Variants in SIRT2 observed in about 807,000 individuals in gnomAD.
The protein encoded by SIRT2 is NAD-dependent protein deacetylase sirtuin-2.
A neutral mutation model predicts 57.4 loss-of-function variants in SIRT2; 40 were observed. That is an observed-to-expected ratio of 0.70 (90% CI 0.54 to 0.91). The LOEUF (loss-of-function observed/expected upper bound fraction) is 0.91, where lower values mean the gene tolerates loss of function less well. Ranked by LOEUF, SIRT2 falls within the 40% of genes least tolerant of loss-of-function variation. The pLI is 0.00. For missense variants in SIRT2, 439 were observed against 510.4 expected, an observed-to-expected ratio of 0.86 and a Z score of 1.35; for synonymous variants, 161 against 195.7, an observed-to-expected ratio of 0.82 and a Z score of 1.48.
rs1184695675 is a variant in SIRT2, at chr19:38,889,944, A to C, written c.286T>G (p.Phe96Val). The part of the protein sequence containing the change: ...GISTSAGIPD[F>V]RSPSTGLYDN... ...TAGAGGCCGGTGGATGGAGAGCGAA[A>C]GTCGGGGATGCCTGCGGCTAGGAAA... Residue 96 changes from phenylalanine to valine, a missense_variant, in exon 6 of 16, where the codon TTT becomes GTT. Coordinates refer to ENST00000249396, the MANE Select transcript of SIRT2 (RefSeq NM_012237.4). The C allele has an allele frequency of 6.2e-7, 1 of 1,614,168 alleles. No homozygotes were observed. The highest frequency in any genetic ancestry group is 8.5e-7 in the Non-Finnish European group (1 of 1,180,022).
chr19:38,883,813 G>C (rs1428087200), intron 8 of SIRT2, 57 bp from the exon 9 acceptor site: 2 of 1,596,014 alleles, frequency 1.3e-6, no homozygotes, highest in African/African-American at 1.3e-5. Context: ...TTGTAGGCCA[G>C]AAGGCACAGT....
chr19:38,879,614 C>T lies in SIRT2; in HGVS notation c.947+18G>A, dbSNP rs1392587491. ...CCCTGTCCCTTCCAGGCTGCCCCAACCCCCGGCGGGGCCTCACCTGTAGGC... is the reference window on the plus strand; with the variant it reads ...CCCTGTCCCTTCCAGGCTGCCCCAATCCCCGGCGGGGCCTCACCTGTAGGC... On this transcript the variant is annotated intron_variant, in intron 14 of 15. Coordinates refer to ENST00000249396, the MANE Select transcript of SIRT2 (RefSeq NM_012237.4). 1.3e-6 allele frequency: 2 copies of T among 1,563,030 alleles called. No individual in the cohort carries two copies. Among genetic ancestry groups the T allele is most frequent in the South Asian group, 1.2e-5 (1 of 85,008 alleles).
chr19:38,889,584 A>G (rs1973456591), intron 7 of SIRT2, 105 bp downstream of exon 7: 2 of 1,310,290 alleles, frequency 1.5e-6, no homozygotes, highest in African/African-American at 2.9e-5. Flanking sequence ...GCACCCATGT[A>G]CTTAATGGCT....
intron 5 of SIRT2, 36 bp downstream of exon 5, chr19:38,890,067 C>T (rs369519515): frequency 1.9e-5 from 31 of 1,613,322 alleles, no homozygotes; most frequent in Non-Finnish European, 2.5e-5. Flanking sequence ...CTCCCCAGTT[C>T]CTGGGGGTAG....
intron 5 of SIRT2, 67 bp from the exon 6 acceptor site, chr19:38,890,028 T>C (rs1456696791): frequency 6.8e-6 from 11 of 1,606,056 alleles, no homozygotes; most frequent in African/African-American, 1.3e-5. Flanking sequence ...AGGGCTCAGA[T>C]AGGGCTCCTC....
At chr19:38,898,507 G>T in intron 1 of SIRT2, 82 bp from the exon 2 acceptor site, 2 of 649,510 alleles carry the variant, frequency 3.1e-6, no homozygotes, top group Non-Finnish European at 2.5e-6. Flanking sequence ...CAGTGAGGGG[G>T]CAAGAACACC....
intron 4 of SIRT2, 126 bp from the exon 5 acceptor site, chr19:38,890,270 G>T: frequency 1.1e-6 from 1 of 869,672 alleles, no homozygotes; most frequent in Non-Finnish European, 1.9e-6. Context: ...TCAGATGCAT[G>T]ACGGGCCTTC....
chr19:38,879,709 G>A lies in SIRT2; in HGVS notation c.877-7C>T, dbSNP rs1390275294. 7 of 1,560,730 alleles carry A rather than the reference G, an allele frequency of 4.5e-6. No individual in the cohort carries two copies. The South Asian group carries it at 5.9e-5, about 13-fold the overall frequency. Reference sequence around the variant, plus strand: ...TCCCCAGGAAAGGGTCCGACTGTCAGGGAGGGGGTGGGTCAGGGGCAGGAG... The same window carrying A: ...TCCCCAGGAAAGGGTCCGACTGTCAAGGAGGGGGTGGGTCAGGGGCAGGAG... On this transcript the variant is annotated splice_region_variant and splice_polypyrimidine_tract_variant and intron_variant, in intron 13 of 15. Coordinates refer to ENST00000249396, the MANE Select transcript of SIRT2 (RefSeq NM_012237.4).
In SIRT2 at chr19:38,883,705, C is replaced by G. The variant is rs201307475; in HGVS notation, c.553G>C (p.Glu185Gln). ...GATGTGTAGAAGGTGCCGTGCGCCT[C>G]CACCAAGTCCTCCTGTTCCAGCCCG... is the stretch of plus-strand genomic sequence containing the variant. ...IAGLEQEDLV[E>Q]AHGTFYTSHC... Residue 185 changes from glutamate (E) to glutamine (Q), a missense_variant, in exon 9 of 16, where the codon GAG (glutamate) becomes CAG (glutamine). Coordinates refer to ENST00000249396, the MANE Select transcript of SIRT2 (RefSeq NM_012237.4). The G allele has an allele frequency of 1.1e-5, 17 of 1,613,942 alleles. No homozygotes were observed. Among genetic ancestry groups the G allele is most frequent in the Non-Finnish European group, 1.4e-5 (17 of 1,179,974 alleles).
At chr19:38,889,295 C>A in intron 7 of SIRT2, 140 bp from the exon 8 acceptor site, 1 of 758,874 alleles carries the variant, frequency 1.3e-6, no homozygotes. Flanking sequence ...GGAGAGACCA[C>A]TGCTATCCCC....
intron 5 of SIRT2, 33 bp downstream of exon 5, chr19:38,890,070 G>C: frequency 6.2e-7 from 1 of 1,613,898 alleles, no homozygotes; most frequent in South Asian, 1.1e-5. Context: ...CCCAGTTCCT[G>C]GGGGTAGCTG....
intron 2 of SIRT2, among the ~76,000 whole-genome samples, chr19:38,896,341 AG>A (rs1973715107): frequency 6.6e-6 from 1 of 152,172 alleles, no homozygotes; most frequent in African/African-American, 2.4e-5. Flanking sequence ...CAACATCTTG[AG>A]TTTTCGGCAG....
intron 8 of SIRT2, 146 bp from the exon 9 acceptor site, chr19:38,883,902 TTTA>T: frequency 1.3e-6 from 1 of 795,084 alleles, no homozygotes; most frequent in South Asian, 1.7e-5. Context: ...AGTGGCAGGG[TTTA>T]TCTGAAGACT....
At chr19:38,883,326 T>G (rs1229894154) in intron 9 of SIRT2, among the ~76,000 whole-genome samples, 2 of 151,640 alleles carry the variant, frequency 1.3e-5, no homozygotes, top group Non-Finnish European at 2.9e-5. Context: ...TGACCTCAGG[T>G]GATCTGCCCG....
At chr19:38,885,595 T>TA (rs1229010614) in intron 8 of SIRT2, among the ~76,000 whole-genome samples, 2 of 149,090 alleles carry the variant, frequency 1.3e-5, no homozygotes, top group Non-Finnish European at 3.0e-5. Flanking sequence ...CGTGGCTATT[T>TA]TTTTTTTTTT....
In SIRT2 at chr19:38,880,514, G is replaced by A; in HGVS notation, c.876+171C>T. ...GGAATTCTATCACTTGCTCAAAAGG[G>A]CAGTGAATGTCCCAGAGGCCTGGAA... On this transcript the variant is annotated intron_variant, in intron 13 of 15. Coordinates refer to ENST00000249396, the MANE Select transcript of SIRT2 (RefSeq NM_012237.4). The surrounding 1 kb of genome is among the most constrained non-coding windows in gnomAD (Gnocchi z 4.1). 1 of 569,320 alleles carries A rather than the reference G, an allele frequency of 1.8e-6. No homozygotes were observed. The highest frequency in any genetic ancestry group is 3.1e-6 in the Non-Finnish European group (1 of 320,798). The allele number at this position is 569,320 out of a possible 1,614,324, so 35.3% of individuals were successfully genotyped here. A position where few individuals can be genotyped will look rare whatever the true frequency, so the allele number is the denominator to read the frequency against.
intron 10 of SIRT2, 73 bp downstream of exon 10, chr19:38,881,359 T>C: frequency 7.0e-7 from 1 of 1,425,658 alleles, no homozygotes. Context: ...GGTGTGGCCT[T>C]TGGGAGGGGG....
chr19:38,893,501 G>C lies in SIRT2; in HGVS notation c.139C>G (p.Gln47Glu). ...DMDFLRNLFS[Q>E]TLSLGSQKER... The stretch of plus-strand genomic sequence containing the variant: ...TTCTGGCTGCCCAGGCTGAGCGTCT[G>C]GGAGAATAAGTTCCGCAGGAAGTCC... Residue 47 changes from glutamine to glutamate, a missense_variant, in exon 4 of 16, where the codon CAG (glutamine) becomes GAG (glutamate). Transcript: ENST00000249396. 1 of 1,613,520 alleles carries C rather than the reference G, an allele frequency of 6.2e-7. No individual in the cohort carries two copies. Among genetic ancestry groups the C allele is most frequent in the Non-Finnish European group, 8.5e-7 (1 of 1,179,640 alleles).
At position 38,893,530 on chromosome 19, in the gene SIRT2, G is replaced by A; in HGVS notation, c.113-3C>T. On this transcript the variant is annotated splice_region_variant and splice_polypyrimidine_tract_variant and intron_variant, in intron 3 of 15. Coordinates refer to ENST00000249396, the MANE Select transcript of SIRT2 (RefSeq NM_012237.4). ...GAATAAGTTCCGCAGGAAGTCCACT[G>A]ACCGGAAAGAAGAGAGACAGCGGCA... 6.2e-7 allele frequency: 1 copy of A among 1,600,650 alleles called. No homozygotes were observed. The highest frequency in any genetic ancestry group is 8.6e-7 in the Non-Finnish European group (1 of 1,168,332).
Sources: allele counts gnomAD v4.1 joint callset (sites outside exome capture counted in the v4.1 genomes callset), GRCh38; gene constraint gnomAD v4.1.1; non-coding constraint Gnocchi (gnomAD v3.1); transcripts MANE v1.5; gene names NCBI Gene and HGNC (gene_info 2026-07-23, HGNC 2026-07-21).